Variants in CACNA1E observed in about 807,000 individuals in gnomAD.
The protein encoded by CACNA1E is voltage-dependent R-type calcium channel subunit alpha-1E.
A neutral mutation model predicts 259.2 loss-of-function variants in CACNA1E; 40 were observed. The observed-to-expected ratio is 0.15, with a 90% CI of 0.12 to 0.20. The LOEUF (loss-of-function observed/expected upper bound fraction) is 0.20. CACNA1E is among the 10% of genes least tolerant of loss of function. CACNA1E has a pLI of 1.00. For synonymous variants in CACNA1E, 1,104 were observed against 1,138.5 expected (o/e 0.97, Z 0.61); for missense variants, 1,874 against 3,040.1 (o/e 0.62, Z 9.02).
At position 181,758,181 on chromosome 1, in the gene CACNA1E, C is replaced by A; in HGVS notation, c.4494+70C>A. The A allele has an allele frequency of 1.5e-6, 2 of 1,359,688 alleles. No homozygotes were observed. Among genetic ancestry groups the A allele is most frequent in the Non-Finnish European group, 2.1e-6 (2 of 961,660 alleles). 84.2% of individuals were successfully genotyped at this position (1,359,688 alleles called of 1,614,324 possible). A position where few individuals can be genotyped will look rare whatever the true frequency, so the allele number is the denominator to read the frequency against. On this transcript the variant is annotated intron_variant, in intron 31 of 47. Transcript: ENST00000367573. The surrounding 1 kb of genome is among the most constrained non-coding windows in gnomAD (Gnocchi z 4.2). ...TTCCCTCCCAGGGCAAGTGGGAAGA[C>A]ACCCCAACATCCCAGCCCATCACTG...
At chr1:181,567,071 T>C (rs1331065561) in intron 3 of CACNA1E, among the ~76,000 whole-genome samples, 1 of 152,162 alleles carries the variant, frequency 6.6e-6, no homozygotes, top group Non-Finnish European at 1.5e-5. Context: ...GTGGTTTTGA[T>C]TGTTGAGCTT....
chr1:181,592,420 G>A lies in CACNA1E; in HGVS notation c.951+11644G>A, dbSNP rs112474407. ...CTGCTCTCAGAGTGAGCTGCTGTCC[G>A]CAGGGACTATGGCTGCTGCAGCCTC... On this transcript the variant is annotated intron_variant, in intron 6 of 47. Transcript: ENST00000367573. Among the ~76,000 whole-genome samples the A allele has an allele frequency of 3.9e-3, 570 of 148,000 alleles. 3 individuals are homozygous for A. Among genetic ancestry groups the A allele is most frequent in the African/African-American group, 0.014 (551 of 40,034 alleles).
At chr1:181,767,184 C>T (rs185777502) in intron 35 of CACNA1E, among the ~76,000 whole-genome samples, 1 of 152,290 alleles carries the variant, frequency 6.6e-6, no homozygotes, top group African/African-American at 2.4e-5. Context: ...GACTCAAGGG[C>T]CACATTCCAG....
chr1:181,565,690 A>T lies in CACNA1E; in HGVS notation c.513-12076A>T, dbSNP rs139581078. Reference sequence around the variant, plus strand: ...GACTGGTAGTAAAAACAATAGGTGTACATTCTTTGTGGGCAGTGCTGGATT... The same window carrying T: ...GACTGGTAGTAAAAACAATAGGTGTTCATTCTTTGTGGGCAGTGCTGGATT... On this transcript the variant is annotated intron_variant, in intron 3 of 47. Coordinates refer to ENST00000367573, the MANE Select transcript of CACNA1E (RefSeq NM_001205293.3). Among the ~76,000 whole-genome samples, 1,497 of 152,334 alleles carry T rather than the reference A, an allele frequency of 9.8e-3. 22 individuals are homozygous for T. Among genetic ancestry groups the T allele is most frequent in the Admixed American group, 0.027 (409 of 15,298 alleles).
At chr1:181,711,966 A>C (rs1356268683) in intron 8 of CACNA1E, among the ~76,000 whole-genome samples, 1 of 152,226 alleles carries the variant, frequency 6.6e-6, no homozygotes, top group African/African-American at 2.4e-5. Flanking sequence ...AGACCATAGA[A>C]GGATAAGGCT....
In CACNA1E at chr1:181,631,426, G is replaced by A. The variant is rs1165804154; in HGVS notation, c.952-19912G>A. On this transcript the variant is annotated intron_variant, in intron 6 of 47. Transcript: ENST00000367573. Reference sequence around the variant, plus strand: ...ATGCCTTGAATCCTTGCAGTTTTCAGTCTCTCTGAATATATCTTAAGTTGC... The same window carrying A: ...ATGCCTTGAATCCTTGCAGTTTTCAATCTCTCTGAATATATCTTAAGTTGC... Among the ~76,000 whole-genome samples the A allele has an allele frequency of 3.9e-5, 6 of 152,098 alleles. No homozygotes were observed. The South Asian group carries it at 1.2e-3, about 32-fold the overall frequency.
rs552653292 is a variant in CACNA1E, at chr1:181,680,831, T to C, written c.1055+29390T>C. On this transcript the variant is annotated intron_variant, in intron 7 of 47. Coordinates refer to ENST00000367573, the MANE Select transcript of CACNA1E (RefSeq NM_001205293.3). ...TCTCATTTCTCACTTCCTATGTGTC[T>C]GACCACTCCCTCCCAGCATCAGTAG... Among the ~76,000 whole-genome samples the C allele has an allele frequency of 1.1e-4, 16 of 152,328 alleles. No individual in the cohort carries two copies. The South Asian group carries it at 3.3e-3, about 32-fold the overall frequency.
chr1:181,481,315 T>C (rs1038566449), upstream of CACNA1E, among the ~76,000 whole-genome samples: 36 of 151,224 alleles, frequency 2.4e-4, no homozygotes, highest in African/African-American at 8.5e-4. Context: ...TTCCTTTGGA[T>C]TTCCAGTAGA....
chr1:181,701,786 C>T (rs1652284587), intron 7 of CACNA1E, among the ~76,000 whole-genome samples: 1 of 152,112 alleles, frequency 6.6e-6, no homozygotes, highest in African/African-American at 2.4e-5. Flanking sequence ...TGTGATCATC[C>T]CACTTATGGG....
At chr1:181,571,272 A>T (rs1211845956) in intron 3 of CACNA1E, among the ~76,000 whole-genome samples, 1 of 152,208 alleles carries the variant, frequency 6.6e-6, no homozygotes, top group Non-Finnish European at 1.5e-5. Flanking sequence ...GTGACTGAAG[A>T]GCGTGTGCCT....
At chr1:181,348,180 A>C (rs541044024) in intron 1 of CACNA1E, among the ~76,000 whole-genome samples, 220 of 151,734 alleles carry the variant, frequency 1.4e-3, no homozygotes, top group Non-Finnish European at 2.6e-3. Flanking sequence ...GGGAGCTTCG[A>C]TGGGGTCTCG....
chr1:181,750,365 C>A, intron 25 of CACNA1E, 111 bp from the exon 26 acceptor site: 2 of 895,558 alleles, frequency 2.2e-6, no homozygotes, highest in Middle Eastern at 4.3e-4. Context: ...TTGTAGGGTT[C>A]TCTTTTCTCC....
At chr1:181,538,584 C>A (rs1668346413) in intron 3 of CACNA1E, among the ~76,000 whole-genome samples, 1 of 152,054 alleles carries the variant, frequency 6.6e-6, no homozygotes, top group Non-Finnish European at 1.5e-5. Flanking sequence ...TGACAAGAAG[C>A]AATTGCAATA....
At chr1:181,412,074 A>C (rs1266283020) in intron 1 of CACNA1E, among the ~76,000 whole-genome samples, 1 of 152,262 alleles carries the variant, frequency 6.6e-6, no homozygotes, top group Admixed American at 6.5e-5. Flanking sequence ...TGCCTTGCAC[A>C]TGGTAAGTTC....
At chr1:181,680,587 G>A (rs930498132) in intron 7 of CACNA1E, among the ~76,000 whole-genome samples, 1 of 152,118 alleles carries the variant, frequency 6.6e-6, no homozygotes, top group Non-Finnish European at 1.5e-5. Context: ...CCCTGCCTCC[G>A]GAAACGAAGA....
intron 47 of CACNA1E, among the ~76,000 whole-genome samples, chr1:181,797,601 T>C (rs1661925325): frequency 1.3e-5 from 2 of 152,186 alleles, no homozygotes; most frequent in African/African-American, 4.8e-5. Context: ...TCCTGGTGCC[T>C]GAAGGACCCA....
At chr1:181,564,201 T>G (rs1649598451) in intron 3 of CACNA1E, among the ~76,000 whole-genome samples, 2 of 152,216 alleles carry the variant, frequency 1.3e-5, no homozygotes, top group Admixed American at 1.3e-4. Context: ...CTGTTGCTTG[T>G]GATACTGGTT....
intron 3 of CACNA1E, among the ~76,000 whole-genome samples, chr1:181,511,797 T>C (rs1171786989): frequency 1.3e-5 from 2 of 152,214 alleles, no homozygotes. Context: ...CTTGGCTCAG[T>C]GGCTAAACAC....
chr1:181,359,994 G>T (rs1653743282), intron 1 of CACNA1E, among the ~76,000 whole-genome samples: 1 of 152,034 alleles, frequency 6.6e-6, no homozygotes, highest in South Asian at 2.1e-4. Flanking sequence ...GAGCAGTTTT[G>T]ACTCTCCCTC....
Sources: allele counts gnomAD v4.1 joint callset (sites outside exome capture counted in the v4.1 genomes callset), GRCh38; gene constraint gnomAD v4.1.1; non-coding constraint Gnocchi (gnomAD v3.1); transcripts MANE v1.5; gene names NCBI Gene and HGNC (gene_info 2026-07-23, HGNC 2026-07-21).